RELN: variants seen among roughly 807,000 people sequenced by gnomAD.
The protein encoded by RELN is reelin.
In RELN, 108 loss-of-function variants were observed where a neutral mutation model predicts 427.6. The ratio of observed to expected loss-of-function variants is 0.25; its 90% CI spans 0.22 to 0.30. The LOEUF (loss-of-function observed/expected upper bound fraction) is 0.30, where lower values mean the gene tolerates loss of function less well. Ranked by LOEUF, RELN falls within the 10% of genes least tolerant of loss-of-function variation. RELN has a pLI of 1.00. For missense variants in RELN, 3,715 were observed against 4,302.8 expected (o/e 0.86, Z 3.82); for synonymous variants, 1,524 against 1,513.4 (o/e 1.01, Z -0.16).
chr7:103,800,428 C>A (rs930550973), intron 3 of RELN, among the ~76,000 whole-genome samples: 1 of 152,082 alleles, frequency 6.6e-6, no homozygotes. Context: ...TAACACCACA[C>A]ATCTACAACC....
chr7:103,776,710 A>AAGAATAAGC, intron 3 of RELN, 83 bp from the exon 4 acceptor site: 1 of 1,332,634 alleles, frequency 7.5e-7, no homozygotes, highest in Non-Finnish European at 1.1e-6. Context: ...TAAAAAGCTT[A>AAGAATAAGC]TTCTTAAACT....
intron 3 of RELN, among the ~76,000 whole-genome samples, chr7:103,813,478 C>A (rs1450204840): frequency 6.6e-6 from 1 of 152,078 alleles, no homozygotes; most frequent in African/African-American, 2.4e-5. Context: ...GCAATCACAT[C>A]AGAACTTTAA....
chr7:103,776,913 A>G (rs1477923741), intron 3 of RELN, among the ~76,000 whole-genome samples: 1 of 152,176 alleles, frequency 6.6e-6, no homozygotes, highest in African/African-American at 2.4e-5. Context: ...AAAAGTATGG[A>G]GAGGAGGCTT....
intron 2 of RELN, among the ~76,000 whole-genome samples, chr7:103,837,428 G>A (rs1389157818): frequency 6.6e-6 from 1 of 152,166 alleles, no homozygotes; most frequent in Non-Finnish European, 1.5e-5. Flanking sequence ...ACTAGTGGCT[G>A]AGCCACCCTC....
chr7:103,687,355 T>C (rs569950629), intron 10 of RELN, among the ~76,000 whole-genome samples: 21 of 152,216 alleles, frequency 1.4e-4, no homozygotes, highest in African/African-American at 5.1e-4. Flanking sequence ...CAAGATAACA[T>C]GGAGTGGTTG....
chr7:103,572,345 CCCT>C (rs1004872114), intron 30 of RELN, 85 bp from the exon 31 acceptor site: 6 of 766,014 alleles, frequency 7.8e-6, no homozygotes, highest in Non-Finnish European at 1.4e-5. Context: ...TAGAAAAAAA[CCCT>C]CCTGTATTTA....
chr7:103,646,397 G>C (rs1379147787), intron 16 of RELN, among the ~76,000 whole-genome samples: 1 of 150,824 alleles, frequency 6.6e-6, no homozygotes, highest in Non-Finnish European at 1.5e-5. Context: ...GAAGAGAAGA[G>C]AGAATATTCA....
rs188978794 is a variant in RELN at position 103,846,568 on chromosome 7, T to C, written c.338-12896A>G. ...AAAGCAACGGCAACAAAAGCCAAAA[T>C]TGACAAATGGGATCTAATAAAACTA... is the stretch of plus-strand genomic sequence containing the variant. On this transcript the variant is annotated intron_variant, in intron 2 of 64. Coordinates refer to ENST00000428762, the MANE Select transcript of RELN (RefSeq NM_005045.4). 5.6e-3 allele frequency among the ~76,000 whole-genome samples: 853 copies of C among 152,244 alleles called. 12 individuals are homozygous for C. The highest frequency in any genetic ancestry group is 0.02 in the African/African-American group (822 of 41,532).
chr7:103,862,162 A>G (rs1794084760), intron 2 of RELN, among the ~76,000 whole-genome samples: 2 of 152,162 alleles, frequency 1.3e-5, no homozygotes, highest in Admixed American at 6.6e-5. Context: ...TTCTAATTAA[A>G]GAAGGAAAAA....
intron 17 of RELN, among the ~76,000 whole-genome samples, 196 bp from the exon 18 acceptor site, chr7:103,636,664 A>T (rs927506977): frequency 6.6e-6 from 1 of 152,194 alleles, no homozygotes; most frequent in East Asian, 1.9e-4. Flanking sequence ...CAAATACAGT[A>T]TTTGCACAGC....
At chr7:103,668,586 C>T (rs1279467751) in intron 11 of RELN, among the ~76,000 whole-genome samples, 1 of 152,108 alleles carries the variant, frequency 6.6e-6, no homozygotes, top group Non-Finnish European at 1.5e-5. Context: ...GTTGAACCAT[C>T]CCAGTTTGTA....
chr7:103,821,266 C>T (rs1245545036), intron 3 of RELN, among the ~76,000 whole-genome samples: 3 of 152,104 alleles, frequency 2.0e-5, no homozygotes, highest in Admixed American at 2.0e-4. Flanking sequence ...ACCTCTCCTT[C>T]GGCAGGAAGC....
At chr7:103,739,041 T>C (rs1462254456) in intron 6 of RELN, among the ~76,000 whole-genome samples, 3 of 152,302 alleles carry the variant, frequency 2.0e-5, no homozygotes, top group Admixed American at 6.5e-5. Flanking sequence ...CGACTGACAA[T>C]AATTCATTCC....
chr7:103,853,940 T>G (rs1793883511), intron 2 of RELN, among the ~76,000 whole-genome samples: 1 of 152,048 alleles, frequency 6.6e-6, no homozygotes, highest in South Asian at 2.1e-4. Context: ...AATAATTTAA[T>G]GTATATTTTC....
At chr7:103,977,310 C>CAAAAAAAAAAAAAAAAAAAAAAAAAA (rs201026012) in intron 1 of RELN, among the ~76,000 whole-genome samples, 3 of 88,262 alleles carry the variant, frequency 3.4e-5, no homozygotes, top group African/African-American at 1.6e-4. Context: ...GACTCTGTCT[C>CAAAAAAAAAAAAAAAAAAAAAAAAAA]AAAAAAAAAA....
intron 12 of RELN, among the ~76,000 whole-genome samples, chr7:103,657,856 T>A (rs948371646): frequency 2.0e-5 from 3 of 152,138 alleles, no homozygotes; most frequent in Non-Finnish European, 4.4e-5. Context: ...GAAATTAAGG[T>A]GCAGGAAGAT....
At chr7:103,942,990 A>G (rs937226704) in intron 1 of RELN, among the ~76,000 whole-genome samples, 2 of 152,176 alleles carry the variant, frequency 1.3e-5, no homozygotes, top group African/African-American at 4.8e-5. Context: ...ACCAACTAGG[A>G]TTGTCTCAAG....
chr7:103,649,191 T>C (rs931610407), intron 16 of RELN, among the ~76,000 whole-genome samples: 1 of 152,014 alleles, frequency 6.6e-6, no homozygotes, highest in Non-Finnish European at 1.5e-5. Context: ...CACTAAAATG[T>C]TCATTAATGG....
At chr7:103,509,894 A>G (rs1185451624) in intron 51 of RELN, among the ~76,000 whole-genome samples, 1 of 152,252 alleles carries the variant, frequency 6.6e-6, no homozygotes. Flanking sequence ...AAAAATGCTC[A>G]TCATCACTGG....
Sources: allele counts gnomAD v4.1 joint callset (sites outside exome capture counted in the v4.1 genomes callset), GRCh38; gene constraint gnomAD v4.1.1; transcripts MANE v1.5; gene names NCBI Gene and HGNC (gene_info 2026-07-23, HGNC 2026-07-21).